Variants in UBE2R2 observed in about 807,000 individuals in gnomAD.
UBE2R2 encodes ubiquitin-conjugating enzyme E2 R2.
A neutral mutation model predicts 27.8 loss-of-function variants in UBE2R2; 1 was observed. The observed-to-expected ratio is 0.04, with a 90% CI of 0.01 to 0.17. UBE2R2 has a LOEUF of 0.17. Among genes scored for constraint, UBE2R2 ranks in the 10% least tolerant of loss-of-function variants. The pLI is 1.00. For synonymous variants in UBE2R2, 106 were observed against 113.3 expected, an observed-to-expected ratio of 0.94 and a Z score of 0.41; for missense variants, 100 against 291.0, an observed-to-expected ratio of 0.34 and a Z score of 4.78.
intron 1 of UBE2R2, among the ~76,000 whole-genome samples, chr9:33,829,955 G>A (rs529102078): frequency 2.8e-4 from 43 of 151,808 alleles, no homozygotes; most frequent in Middle Eastern, 3.4e-3. Context: ...GTGCCACCAC[G>A]CCCGGCTAAT....
At chr9:33,879,042 G>A (rs1472465930) in intron 1 of UBE2R2, among the ~76,000 whole-genome samples, 2 of 152,122 alleles carry the variant, frequency 1.3e-5, no homozygotes, top group African/African-American at 4.8e-5. Context: ...AGAAGTTTGA[G>A]ACCAGCCTGG....
At chr9:33,912,158 A>G (rs1192045699) in intron 4 of UBE2R2, 60 bp downstream of exon 4, 4 of 1,445,098 alleles carry the variant, frequency 2.8e-6, no homozygotes, top group Non-Finnish European at 3.8e-6. Flanking sequence ...TCTGGAACCA[A>G]GGGTTTAAAT....
intron 1 of UBE2R2, among the ~76,000 whole-genome samples, chr9:33,822,811 C>G (rs938246184): frequency 4.6e-5 from 7 of 151,674 alleles, no homozygotes; most frequent in African/African-American, 1.7e-4. Context: ...TCTGCCTTCC[C>G]TCTTCCCCCT....
chr9:33,828,250 C>T (rs1195716004), intron 1 of UBE2R2, among the ~76,000 whole-genome samples: 1 of 148,184 alleles, frequency 6.7e-6, no homozygotes. Flanking sequence ...TGCAGTGAGC[C>T]GAGATCCCAC....
chr9:33,916,301 G>A (rs977579267), intron 4 of UBE2R2, among the ~76,000 whole-genome samples: 4 of 152,118 alleles, frequency 2.6e-5, no homozygotes, highest in African/African-American at 9.7e-5. Context: ...AGATCACGCC[G>A]CTGCACTCCA....
chr9:33,890,748 T>G (rs1361542124), intron 2 of UBE2R2, among the ~76,000 whole-genome samples: 1 of 152,120 alleles, frequency 6.6e-6, no homozygotes, highest in Non-Finnish European at 1.5e-5. Context: ...AGGCAGAGGT[T>G]GCAGTGAGCT....
At chr9:33,816,058 A>G (rs1825747916), upstream of UBE2R2, among the ~76,000 whole-genome samples, 1 of 152,132 alleles carries the variant, frequency 6.6e-6, no homozygotes, top group African/African-American at 2.4e-5. Context: ...TGGGTGACAG[A>G]GCAAGACCCT....
intron 1 of UBE2R2, among the ~76,000 whole-genome samples, chr9:33,835,007 A>T (rs1820585292): frequency 6.6e-6 from 1 of 152,090 alleles, no homozygotes; most frequent in African/African-American, 2.4e-5. Flanking sequence ...TCCCAGAGTA[A>T]TGAGTATTTC....
chr9:33,835,468 G>A (rs996771135), intron 1 of UBE2R2, among the ~76,000 whole-genome samples: 2 of 152,066 alleles, frequency 1.3e-5, no homozygotes, highest in South Asian at 2.1e-4. Context: ...TTTAAATGCC[G>A]TGTAGTGTAT....
chr9:33,849,549 G>A (rs1820918662), intron 1 of UBE2R2, among the ~76,000 whole-genome samples: 1 of 151,898 alleles, frequency 6.6e-6, no homozygotes, highest in Non-Finnish European at 1.5e-5. Context: ...GATAATAACT[G>A]CCTCATAGGG....
intron 1 of UBE2R2, among the ~76,000 whole-genome samples, chr9:33,881,449 A>G (rs1180596620): frequency 6.6e-6 from 1 of 152,196 alleles, no homozygotes; most frequent in South Asian, 2.1e-4. Flanking sequence ...CCCCATACTC[A>G]TTAGCAGTCA....
upstream of UBE2R2, among the ~76,000 whole-genome samples, chr9:33,816,090 A>C (rs896080851): frequency 1.3e-5 from 2 of 152,186 alleles, no homozygotes; most frequent in Non-Finnish European, 2.9e-5. Flanking sequence ...AACAAAACCA[A>C]AAAACAAAAA....
intron 4 of UBE2R2, 95 bp from the exon 5 acceptor site, chr9:33,916,923 T>C (rs1822659553): frequency 2.0e-6 from 3 of 1,509,584 alleles, no homozygotes; most frequent in Admixed American, 4.3e-5. Flanking sequence ...TTTGGAGAGC[T>C]GAGTCATAAG....
chr9:33,868,514 G>A (rs1821413013), intron 1 of UBE2R2: 1 of 152,108 alleles, frequency 6.6e-6, no homozygotes, highest in Middle Eastern at 3.2e-3. Context: ...GACACTTTGA[G>A]CAAGTTAATA....
At chr9:33,887,041 A>G in intron 2 of UBE2R2, 74 bp downstream of exon 2, 1 of 1,228,580 alleles carries the variant, frequency 8.1e-7, no homozygotes, top group Non-Finnish European at 1.2e-6. Flanking sequence ...AGCCTATCTC[A>G]GCACACTTTG....
intron 1 of UBE2R2, among the ~76,000 whole-genome samples, chr9:33,879,713 G>T (rs1325386103): frequency 6.8e-6 from 1 of 148,056 alleles, no homozygotes; most frequent in East Asian, 2.0e-4. Context: ...CAAAGTGCTG[G>T]AATTACAGGC....
At chr9:33,899,517 G>A (rs1822198209) in intron 2 of UBE2R2, among the ~76,000 whole-genome samples, 2 of 152,176 alleles carry the variant, frequency 1.3e-5, no homozygotes. Flanking sequence ...TGGGATTACA[G>A]GGGAGTGCTA....
intron 1 of UBE2R2, among the ~76,000 whole-genome samples, chr9:33,834,299 C>T (rs1445471672): frequency 6.6e-6 from 1 of 150,604 alleles, no homozygotes; most frequent in Non-Finnish European, 1.5e-5. Flanking sequence ...CTCCCGGGTT[C>T]AAGTGACTCT....
At chr9:33,839,555 T>C (rs983308312) in intron 1 of UBE2R2, among the ~76,000 whole-genome samples, 2 of 152,196 alleles carry the variant, frequency 1.3e-5, no homozygotes, top group African/African-American at 2.4e-5. Flanking sequence ...AGTGTTCTTA[T>C]GACAGAGGCC....
Sources: allele counts gnomAD v4.1 joint callset (sites outside exome capture counted in the v4.1 genomes callset), GRCh38; gene constraint gnomAD v4.1.1; transcripts MANE v1.5; gene names NCBI Gene and HGNC (gene_info 2026-07-23, HGNC 2026-07-21).